Variants in ZNF264 observed in about 807,000 individuals in gnomAD.
The protein encoded by ZNF264 is zinc finger protein 264.
ZNF264 carries 11 observed loss-of-function variants against 11.2 expected under a neutral mutation model. The observed-to-expected ratio is 0.98, with a 90% CI of 0.62 to 1.63. The LOEUF is 1.63. ZNF264 is among the 40% of genes most tolerant of loss of function. The pLI is 0.00. For synonymous variants in ZNF264, 309 were observed against 279.8 expected, an observed-to-expected ratio of 1.10 and a Z score of -1.04; for missense variants, 752 against 768.1, an observed-to-expected ratio of 0.98 and a Z score of 0.25.
At chr19:57,200,675 C>T (rs2087246597) in intron 2 of ZNF264, among the ~76,000 whole-genome samples, 1 of 151,744 alleles carries the variant, frequency 6.6e-6, no homozygotes, top group Non-Finnish European at 1.5e-5. Flanking sequence ...AATACAGTGG[C>T]ACAATCTCGG....
chr19:57,214,700 T>C lies in ZNF264; in HGVS notation c.*1719T>C, dbSNP rs989949016. The C allele has an allele frequency of 1.3e-5, 2 of 152,230 alleles. No individual in the cohort carries two copies. Among genetic ancestry groups the C allele is most frequent in the East Asian group, 1.9e-4 (1 of 5,198 alleles). The allele number at this position is 152,230 out of a possible 1,614,324, so 9.4% of individuals were successfully genotyped here. A position where few individuals can be genotyped will look rare whatever the true frequency, so the allele number is the denominator to read the frequency against. On this transcript the variant is annotated 3_prime_UTR_variant, in exon 4 of 4. Coordinates refer to ENST00000263095, the MANE Select transcript of ZNF264 (RefSeq NM_003417.5). ...TATAATGTAAGTTTTATAAAACATATGTCCTCTATAAGGGTAAAAAATTTC... is the reference window on the plus strand; with the variant it reads ...TATAATGTAAGTTTTATAAAACATACGTCCTCTATAAGGGTAAAAAATTTC...
chr19:57,205,590 CCTCT>C, intron 3 of ZNF264, 98 bp downstream of exon 3: 1 of 1,070,168 alleles, frequency 9.3e-7, no homozygotes. Flanking sequence ...CTCATTGTGG[CCTCT>C]CTCTATATAA....
intron 2 of ZNF264, among the ~76,000 whole-genome samples, chr19:57,202,070 G>A (rs765499090): frequency 3.3e-5 from 5 of 151,794 alleles, no homozygotes; most frequent in East Asian, 1.9e-4. Context: ...TTATCTGGGC[G>A]TGGTGGCACA....
rs1240283710 is a variant in ZNF264, at chr19:57,212,406, A to T, written c.1309A>T (p.Thr437Ser). ...GTGCAGTGAATGTGGAAAGGCCTTCACCCACTGCTCTACTTTTATCTTGCA... is the reference window on the plus strand; with the variant it reads ...GTGCAGTGAATGTGGAAAGGCCTTCTCCCACTGCTCTACTTTTATCTTGCA... ...FVCSECGKAF[T>S]HCSTFILHKR... is the part of the protein sequence containing the mutation. The change falls in exon 4 of 4, where the codon ACC becomes TCC. Residue 437 changes from threonine to serine, a missense_variant. Coordinates refer to ENST00000263095, the MANE Select transcript of ZNF264 (RefSeq NM_003417.5). 1 of 1,614,072 alleles carries T rather than the reference A, an allele frequency of 6.2e-7. No homozygotes were observed. Among genetic ancestry groups the T allele is most frequent in the Middle Eastern group, 1.6e-4 (1 of 6,062 alleles).
chr19:57,193,737 C>T, intron 1 of ZNF264, 138 bp from the exon 2 acceptor site: 1 of 1,285,522 alleles, frequency 7.8e-7, no homozygotes, highest in Non-Finnish European at 1.1e-6. Context: ...CCTCTTGAGC[C>T]CAGCACAGAG....
In ZNF264 at chr19:57,215,439, G is replaced by A. The variant is rs963616452; in HGVS notation, c.*2458G>A. The A allele has an allele frequency of 8.6e-5, 13 of 151,956 alleles. No homozygotes were observed. Among genetic ancestry groups the A allele is most frequent in the African/African-American group, 3.1e-4 (13 of 41,394 alleles). 9.4% of individuals were successfully genotyped at this position (151,956 alleles called of 1,614,324 possible). ...TTCTTAGACATTTATCAGTTTTATT[G>A]CGCATCATGCTGAAAGATGTAATTT... On this transcript the variant is annotated 3_prime_UTR_variant, in exon 4 of 4. Coordinates refer to ENST00000263095, the MANE Select transcript of ZNF264 (RefSeq NM_003417.5).
intron 2 of ZNF264, among the ~76,000 whole-genome samples, chr19:57,195,604 C>T (rs1344045273): frequency 6.6e-6 from 1 of 151,874 alleles, no homozygotes; most frequent in Non-Finnish European, 1.5e-5. Context: ...TGACCTTAAT[C>T]ACAGGGCATG....
At chr19:57,192,302 T>G in intron 1 of ZNF264, 1 of 973,324 alleles carries the variant, frequency 1.0e-6, no homozygotes, top group Non-Finnish European at 1.2e-6. Flanking sequence ...AGACAAGGTA[T>G]GTTGTATGTT....
At chr19:57,208,817 C>T (rs1006466278) in intron 3 of ZNF264, among the ~76,000 whole-genome samples, 1 of 152,126 alleles carries the variant, frequency 6.6e-6, no homozygotes, top group African/African-American at 2.4e-5. Flanking sequence ...AGAGAGGTTC[C>T]GTTGACCCAT....
At chr19:57,197,812 T>C (rs2087223159) in intron 2 of ZNF264, among the ~76,000 whole-genome samples, 1 of 151,958 alleles carries the variant, frequency 6.6e-6, no homozygotes, top group South Asian at 2.1e-4. Context: ...CACACACCAC[T>C]GGACCCCTAG....
chr19:57,197,510 T>A (rs1026263633), intron 2 of ZNF264, among the ~76,000 whole-genome samples: 2 of 151,950 alleles, frequency 1.3e-5, no homozygotes, highest in African/African-American at 4.9e-5. Flanking sequence ...TATCTGCCAC[T>A]GACACCTCAA....
chr19:57,198,379 C>T (rs2087227635), intron 2 of ZNF264, among the ~76,000 whole-genome samples: 1 of 151,898 alleles, frequency 6.6e-6, no homozygotes, highest in Non-Finnish European at 1.5e-5. Context: ...TTGATGGTGG[C>T]ACTAATCTCC....
In ZNF264 at chr19:57,191,588, C is replaced by G; in HGVS notation, c.-326C>G. ...TTGCAGGTCCCTAGTCAGGACCGAG[C>G]AGGGGAGTAGGATAGGAATCCCCGC... On this transcript the variant is annotated 5_prime_UTR_variant, in exon 1 of 4. Coordinates refer to ENST00000263095, the MANE Select transcript of ZNF264 (RefSeq NM_003417.5). The G allele has an allele frequency of 3.2e-6, 1 of 315,646 alleles. No individual in the cohort carries two copies. The allele number at this position is 315,646 out of a possible 1,614,324, so 19.6% of individuals were successfully genotyped here. A position where few individuals can be genotyped will look rare whatever the true frequency, so the allele number is the denominator to read the frequency against.
intron 3 of ZNF264, among the ~76,000 whole-genome samples, chr19:57,211,122 C>T (rs1391102770): frequency 1.3e-5 from 2 of 152,104 alleles, no homozygotes; most frequent in Non-Finnish European, 2.9e-5. Flanking sequence ...GGTGGCTCCA[C>T]GAACAGACGC....
chr19:57,206,919 CAT>C (rs1209953088), intron 3 of ZNF264, among the ~76,000 whole-genome samples: 28 of 143,086 alleles, frequency 2.0e-4, no homozygotes, highest in African/African-American at 6.4e-4. Context: ...GGCCATCTGT[CAT>C]GTGTGTGGAT....
At chr19:57,207,936 G>T (rs1212545694) in intron 3 of ZNF264, among the ~76,000 whole-genome samples, 1 of 152,046 alleles carries the variant, frequency 6.6e-6, no homozygotes, top group African/African-American at 2.4e-5. Flanking sequence ...ATGTTGGCCA[G>T]GCTGGTCTCG....
intron 1 of ZNF264, 51 bp from the exon 2 acceptor site, chr19:57,193,824 C>G (rs767268784): frequency 6.2e-7 from 1 of 1,604,474 alleles, no homozygotes; most frequent in Non-Finnish European, 8.5e-7. Context: ...AGTCTGTGAT[C>G]TCATTCAGCA....
chr19:57,216,305 C>G lies in ZNF264; in HGVS notation c.*3324C>G, dbSNP rs2087379841. The G allele has an allele frequency of 6.6e-6, 1 of 152,296 alleles. No homozygotes were observed. The highest frequency in any genetic ancestry group is 6.5e-5 in the Admixed American group (1 of 15,286). The allele number at this position is 152,296 out of a possible 1,614,324, so 9.4% of individuals were successfully genotyped here. A position where few individuals can be genotyped will look rare whatever the true frequency, so the allele number is the denominator to read the frequency against. The stretch of plus-strand genomic sequence containing the variant: ...GGCAGAGGTTGCAGTGAGCTGAGAT[C>G]TCACCACTGCACTCCAGCCTGGGCA... On this transcript the variant is annotated 3_prime_UTR_variant, in exon 4 of 4. Coordinates refer to ENST00000263095, the MANE Select transcript of ZNF264 (RefSeq NM_003417.5).
chr19:57,210,722 C>T (rs2087328123), intron 3 of ZNF264, among the ~76,000 whole-genome samples: 1 of 152,204 alleles, frequency 6.6e-6, no homozygotes, highest in Non-Finnish European at 1.5e-5. Flanking sequence ...GACATAAGCC[C>T]TAACCTTCTA....
Sources: allele counts gnomAD v4.1 joint callset (sites outside exome capture counted in the v4.1 genomes callset), GRCh38; gene constraint gnomAD v4.1.1; transcripts MANE v1.5; gene names NCBI Gene and HGNC (gene_info 2026-07-23, HGNC 2026-07-21).